ESPL1: variants seen among roughly 807,000 people sequenced by gnomAD.
ESPL1 encodes the protein extra spindle pole bodies like 1, separase, also known as separin.
In ESPL1, 50 loss-of-function variants were observed where a neutral mutation model predicts 217.2. The observed-to-expected ratio is 0.23, with a 90% CI of 0.18 to 0.29. The LOEUF is 0.29. ESPL1 is among the 10% of genes least tolerant of loss of function. The pLI is 1.00. For missense variants in ESPL1, 1,834 were observed against 2,603.0 expected (o/e 0.70, Z 6.43); for synonymous variants, 994 against 1,081.3 (o/e 0.92, Z 1.58).
rs748568942 is a variant in ESPL1, at chr12:53,283,456, G to A, written c.2995G>A (p.Gly999Ser). The A allele has an allele frequency of 1.2e-6, 2 of 1,614,140 alleles. No individual in the cohort carries two copies. Among genetic ancestry groups the A allele is most frequent in the East Asian group, 2.2e-5 (1 of 44,882 alleles). ...SCSEKLVCHLGRLGSVSEAKA... is the reference protein window; with the variant it reads ...SCSEKLVCHLSRLGSVSEAKA... ...CTCAGAGAAGCTGGTCTGCCACCTG[G>A]GCCGCCTGGGTAGTGTGAGTGAAGC... The change falls in exon 16 of 31, where the codon GGC (glycine) becomes AGC (serine). Residue 999 changes from glycine to serine, a missense_variant. Gly to Ser is a moderately conservative substitution (Grantham distance 56). Around this residue, in one of 5 missense-constraint regions of ESPL1, gnomAD observed 107 missense variants for 171.7 expected, o/e 0.62. Coordinates refer to ENST00000257934, the MANE Select transcript of ESPL1 (RefSeq NM_012291.5).
In ESPL1 at chr12:53,290,146, C is replaced by T; in HGVS notation, c.5175C>T (p.Leu1725=). Residue 1725 remains leucine (L), a synonymous_variant, in exon 23 of 31, where the codon CTC becomes CTT. Transcript: ENST00000257934. ...AGCCCGGAACCGTGGGCAACACCCT[C>T]CTGCTGACCCGGCTGGAAAAGGACA... ...TLQPGTVGNT[L]LLTRLEKDSP... 6.2e-7 allele frequency: 1 copy of T among 1,614,026 alleles called. No individual in the cohort carries two copies. The highest frequency in any genetic ancestry group is 8.5e-7 in the Non-Finnish European group (1 of 1,180,032).
chr12:53,274,254 G>C (rs1055471752), intron 6 of ESPL1: 2 of 153,932 alleles, frequency 1.3e-5, no homozygotes, highest in Non-Finnish European at 2.9e-5. Context: ...TCTTAACTGA[G>C]ATGATAAGCC....
Position 53,285,970 on chromosome 12 carries a change from C to T in ESPL1, c.3234C>T (p.His1078=), listed in dbSNP as rs1401973998. ...TQHLDSVKKV[H]LQKGKQQAQV... is the part of the protein sequence containing the mutation. ...ACCTGGACTCTGTGAAGAAGGTCCACCTGCAGAAGGGGAAGCAGCAGGCCC... is the reference window on the plus strand; with the variant it reads ...ACCTGGACTCTGTGAAGAAGGTCCATCTGCAGAAGGGGAAGCAGCAGGCCC... Residue 1078 remains histidine (H), a synonymous_variant, in exon 18 of 31, where the codon CAC becomes CAT. Coordinates refer to ENST00000257934, the MANE Select transcript of ESPL1 (RefSeq NM_012291.5). The T allele has an allele frequency of 6.4e-7, 1 of 1,567,994 alleles. No individual in the cohort carries two copies. The highest frequency in any genetic ancestry group is 1.2e-5 in the South Asian group (1 of 86,754).
chr12:53,289,174 C>G lies in ESPL1; in HGVS notation c.4793C>G (p.Ala1598Gly). 1 of 1,614,128 alleles carries G rather than the reference C, an allele frequency of 6.2e-7. No homozygotes were observed. The highest frequency in any genetic ancestry group is 8.5e-7 in the Non-Finnish European group (1 of 1,179,986). Residue 1598 changes from alanine to glycine, a missense_variant, in exon 21 of 31, where the codon GCC becomes GGC. This residue lies in a region of ESPL1 where 681 missense variants were observed against 808.0 expected (regional missense o/e 0.84). Transcript: ENST00000257934. ...CACTGTCCTCCTAGTGGGCTCTATG[C>G]CCACCTCTGCCGCTTCCTGGCCTTG... is the stretch of plus-strand genomic sequence containing the variant. The part of the protein sequence containing the change: ...ISHCPPSGLY[A>G]HLCRFLALCL...
chr12:53,288,812 C>A, intron 20 of ESPL1, 113 bp downstream of exon 20: 1 of 976,202 alleles, frequency 1.0e-6, no homozygotes. Context: ...GCCTCTGAAC[C>A]TGTGTTTGAA....
At chr12:53,268,608 A>G in intron 1 of ESPL1, 147 bp from the exon 2 acceptor site, 1 of 602,238 alleles carries the variant, frequency 1.7e-6, no homozygotes. Context: ...GTCCTTTTAT[A>G]ACGGGAGCAC....
chr12:53,289,622 C>T, intron 22 of ESPL1, 28 bp downstream of exon 22: 1 of 1,592,318 alleles, frequency 6.3e-7, no homozygotes, highest in Non-Finnish European at 8.6e-7. Context: ...TGGCCGGCTC[C>T]TCTGTCCTCT....
chr12:53,288,262 T>C lies in ESPL1; in HGVS notation c.4467T>C (p.Pro1489=), dbSNP rs772536420. ...GCCCTGAGATCATGAGGACCATCCCTGAGGAAGAACTGACTGACAACTGGA... is the reference window on the plus strand; with the variant it reads ...GCCCTGAGATCATGAGGACCATCCCCGAGGAAGAACTGACTGACAACTGGA... ...RPGPEIMRTI[P]EEELTDNWRK... is the part of the protein sequence containing the mutation. The change falls in exon 19 of 31, where the codon CCT becomes CCC. Residue 1489 remains proline (P), a synonymous_variant. Transcript: ENST00000257934. 18 of 1,607,878 alleles carry C rather than the reference T, an allele frequency of 1.1e-5. 2 individuals are homozygous for C. In the South Asian group the frequency reaches 1.9e-4, roughly 17 times the overall value.
Position 53,292,439 on chromosome 12 carries a change from C to CA in ESPL1, c.5912+47dup, listed in dbSNP as rs1944079292. ...AAGACGTGTGGGGAAGGGTAGACAA[C>CA]ATACAGGGGCAACAAGCCTTTTCTC... is the stretch of plus-strand genomic sequence containing the variant. On this transcript the variant is annotated intron_variant, in intron 28 of 30. Coordinates refer to ENST00000257934, the MANE Select transcript of ESPL1 (RefSeq NM_012291.5). This position sits in a 1 kb window ranked among gnomAD's most constrained non-coding sequence, Gnocchi z 4.5. 1 of 1,448,264 alleles carries CA rather than the reference C, an allele frequency of 6.9e-7. No homozygotes were observed. The highest frequency in any genetic ancestry group is 9.7e-7 in the Non-Finnish European group (1 of 1,028,600). The allele number at this position is 1,448,264 out of a possible 1,614,324, so 89.7% of individuals were successfully genotyped here. A position where few individuals can be genotyped will look rare whatever the true frequency, so the allele number is the denominator to read the frequency against.
At chr12:53,279,678 A>T in intron 11 of ESPL1, 54 bp from the exon 12 acceptor site, 2 of 1,610,470 alleles carry the variant, frequency 1.2e-6, no homozygotes, top group Non-Finnish European at 1.7e-6. Flanking sequence ...AGCAGAGGGT[A>T]GAAATAGAGG....
intron 25 of ESPL1, 116 bp from the exon 26 acceptor site, chr12:53,291,574 G>C: frequency 1.7e-6 from 2 of 1,180,868 alleles, no homozygotes; most frequent in Non-Finnish European, 1.2e-6. Flanking sequence ...CTGGGCGACA[G>C]AGCAAGACTC....
At position 53,283,413 on chromosome 12, in the gene ESPL1, T is replaced by C. The variant is rs1253909167; in HGVS notation, c.2952T>C (p.Leu984=). The change falls in exon 16 of 31, where the codon CTT becomes CTC. Residue 984 remains leucine, a synonymous_variant. Coordinates refer to ENST00000257934, the MANE Select transcript of ESPL1 (RefSeq NM_012291.5). ...ATCTGGTACAAAAATGGCAGGTTCTTTCAGAGGTGCTGAGCTGCTCAGAGA... is the reference window on the plus strand; with the variant it reads ...ATCTGGTACAAAAATGGCAGGTTCTCTCAGAGGTGCTGAGCTGCTCAGAGA... ...GENLVQKWQV[L]SEVLSCSEKL... 1 of 1,614,218 alleles carries C rather than the reference T, an allele frequency of 6.2e-7. No individual in the cohort carries two copies. Among genetic ancestry groups the C allele is most frequent in the Non-Finnish European group, 8.5e-7 (1 of 1,180,040 alleles).
chr12:53,272,957 T>G, intron 6 of ESPL1, 100 bp downstream of exon 6: 2 of 1,243,470 alleles, frequency 1.6e-6, no homozygotes, highest in Non-Finnish European at 2.2e-6. Flanking sequence ...AGTGGGAGGT[T>G]AATAGCAGCA....
rs767749544 is a variant in ESPL1, at chr12:53,279,762, C to T, written c.2395C>T (p.Leu799=). 1.9e-6 allele frequency: 3 copies of T among 1,614,100 alleles called. No homozygotes were observed. ...PMQALEVLLL[L]RIVSERLKDH... is the part of the protein sequence containing the mutation. ...GCAGGCTCTGGAGGTCCTCCTGCTG[C>T]TACGGATTGTCTCTGAGAGACTGAA... Residue 799 remains leucine (L), a synonymous_variant, in exon 12 of 31, where the codon CTA becomes TTA. Transcript: ENST00000257934.
Position 53,276,914 on chromosome 12 carries a change from C to A in ESPL1, c.1940+55C>A, listed in dbSNP as rs975693063. 1.6e-5 allele frequency: 25 copies of A among 1,588,854 alleles called. No homozygotes were observed. In the African/African-American group the frequency reaches 1.7e-4, roughly 11 times the overall value. On this transcript the variant is annotated intron_variant, in intron 8 of 30. Transcript: ENST00000257934. ...TTGCTCCTTGCCCTAGGTCCTCTCA[C>A]CCTCTTGAGAACCAGTTTCCCTCTC... is the stretch of plus-strand genomic sequence containing the variant.
Position 53,292,984 on chromosome 12 carries a change from G to A in ESPL1, c.6161+14G>A. 6.2e-7 allele frequency: 1 copy of A among 1,610,052 alleles called. No homozygotes were observed. The highest frequency in any genetic ancestry group is 8.5e-7 in the Non-Finnish European group (1 of 1,178,468). On this transcript the variant is annotated intron_variant, in intron 30 of 30. Transcript: ENST00000257934. The surrounding 1 kb of genome is among the most constrained non-coding windows in gnomAD (Gnocchi z 4.5). The stretch of plus-strand genomic sequence containing the variant: ...CATGGCTGGTTGGTGAGTCTCCAAG[G>A]GCAAGACCCATCCTAGGGCATTAGG...
At position 53,274,933 on chromosome 12, in the gene ESPL1, C is replaced by T; in HGVS notation, c.1623C>T (p.His541=). ...LAALQPCSPE[H]MAEPVTFWVR... ...CCCTGCAACCCTGTAGCCCTGAACACATGGCTGAGCCAGTCACTTTCTGGG... is the reference window on the plus strand; with the variant it reads ...CCCTGCAACCCTGTAGCCCTGAACATATGGCTGAGCCAGTCACTTTCTGGG... Residue 541 remains histidine, a synonymous_variant, in exon 7 of 31, where the codon CAC becomes CAT. Transcript: ENST00000257934. 1 of 1,601,774 alleles carries T rather than the reference C, an allele frequency of 6.2e-7. No homozygotes were observed. Among genetic ancestry groups the T allele is most frequent in the Non-Finnish European group, 8.5e-7 (1 of 1,174,588 alleles).
rs1347631207 is a variant in ESPL1 at position 53,286,419 on chromosome 12, C to T, written c.3683C>T (p.Thr1228Ile). 6.2e-7 allele frequency: 1 copy of T among 1,614,114 alleles called. No individual in the cohort carries two copies. The highest frequency in any genetic ancestry group is 1.3e-5 in the African/African-American group (1 of 74,942). ...LLDEILAQAY[T>I]LLALEGLNQP... ...GATGAGATCTTGGCTCAAGCATACA[C>T]ACTGTTGGCACTGGAGGGCCTGAAC... The change falls in exon 18 of 31, where the codon ACA (threonine) becomes ATA (isoleucine). Residue 1228 changes from threonine (T) to isoleucine (I), a missense_variant. Thr to Ile is a moderately conservative substitution (Grantham distance 89). Transcript: ENST00000257934. The surrounding 1 kb of genome is among the most constrained non-coding windows in gnomAD (Gnocchi z 5.3).
rs774018235 is a variant in ESPL1 at position 53,291,814 on chromosome 12, G to C, written c.5645G>C (p.Gly1882Ala). The C allele has an allele frequency of 1.2e-6, 2 of 1,603,482 alleles. No individual in the cohort carries two copies. Among genetic ancestry groups the C allele is most frequent in the South Asian group, 1.1e-5 (1 of 89,552 alleles). Residue 1882 changes from glycine (G) to alanine (A), a missense_variant, in exon 26 of 31, where the codon GGC (glycine) becomes GCC (alanine). By Grantham distance (60) the Gly-to-Ala change is moderately conservative. Coordinates refer to ENST00000257934, the MANE Select transcript of ESPL1 (RefSeq NM_012291.5). ...AATGAGGCAGTAGGACGTCTACAGG[G>C]CCTGACAGTACCAAGCAATAGCCAC... ...LLNEAVGRLQGLTVPSNSHLV... is the reference protein window; with the variant it reads ...LLNEAVGRLQALTVPSNSHLV...
Sources: allele counts gnomAD v4.1 joint callset, GRCh38; gene constraint gnomAD v4.1.1; regional missense constraint gnomAD v4.1.1; non-coding constraint Gnocchi (gnomAD v3.1); transcripts MANE v1.5; gene names NCBI Gene and HGNC (gene_info 2026-07-23, HGNC 2026-07-21).